The following TBC1D23 variants were observed in gnomAD, a reference collection of about 807,000 sequenced individuals.
TBC1D23 encodes TBC1 domain family member 23.
Under a neutral mutation model 91.4 loss-of-function variants are expected in TBC1D23, and 55 were observed. That is an observed-to-expected ratio of 0.60 (90% CI 0.48 to 0.75). The LOEUF (loss-of-function observed/expected upper bound fraction) is 0.75. Among genes scored for constraint, TBC1D23 ranks in the 30% least tolerant of loss-of-function variants. The probability of loss-of-function intolerance (pLI) is 0.00; values close to 1 mark genes in which losing one functional copy is unlikely to be tolerated. For synonymous variants in TBC1D23, 289 were observed against 281.0 expected (o/e 1.03, Z -0.28); for missense variants, 725 against 836.1 (o/e 0.87, Z 1.64).
At chr3:100,284,478 G>C (rs1419340996) in intron 4 of TBC1D23, among the ~76,000 whole-genome samples, 1 of 152,156 alleles carries the variant, frequency 6.6e-6, no homozygotes, top group Non-Finnish European at 1.5e-5. Flanking sequence ...AGCTTGGAAG[G>C]AAGTCCTAGA....
At chr3:100,305,608 A>G (rs912630163) in intron 12 of TBC1D23, among the ~76,000 whole-genome samples, 1 of 152,134 alleles carries the variant, frequency 6.6e-6, no homozygotes, top group Non-Finnish European at 1.5e-5. Context: ...TCAAATCAGT[A>G]TATGTTGAGG....
chr3:100,302,179 G>T lies in TBC1D23; in HGVS notation c.1205G>T (p.Gly402Val). The change falls in exon 11 of 19, where the codon GGC becomes GTC. Residue 402 changes from glycine to valine, a missense_variant. Gly to Val is a moderately radical substitution (Grantham distance 109). Transcript: ENST00000394144. ...GGTGGGGAGCACCTCTGTTTTATGG[G>T]CAGTGGCAGGGAGGAAGAAGACATG... Reference protein sequence around the residue: ...IAGGEHLCFMGSGREEEDMYM... With the variant: ...IAGGEHLCFMVSGREEEDMYM... 3 of 1,613,986 alleles carry T rather than the reference G, an allele frequency of 1.9e-6. No individual in the cohort carries two copies. The highest frequency in any genetic ancestry group is 2.5e-6 in the Non-Finnish European group (3 of 1,179,920).
At chr3:100,273,327 A>T (rs1190581978) in intron 1 of TBC1D23, among the ~76,000 whole-genome samples, 4 of 152,210 alleles carry the variant, frequency 2.6e-5, no homozygotes, top group Admixed American at 2.6e-4. Flanking sequence ...AAGGTTATAG[A>T]TTAACAGCAT....
intron 1 of TBC1D23, among the ~76,000 whole-genome samples, chr3:100,263,993 TG>T (rs2067536760): frequency 6.6e-6 from 1 of 152,222 alleles, no homozygotes; most frequent in Non-Finnish European, 1.5e-5. Flanking sequence ...CGGTGATTTC[TG>T]TTTTCCCTCC....
At chr3:100,317,389 T>C (rs1705768416) in intron 16 of TBC1D23, among the ~76,000 whole-genome samples, 1 of 152,208 alleles carries the variant, frequency 6.6e-6, no homozygotes. Flanking sequence ...CTTTATTTAG[T>C]CAGTCTTCCA....
At chr3:100,271,564 A>G (rs2067599764) in intron 1 of TBC1D23, among the ~76,000 whole-genome samples, 1 of 152,172 alleles carries the variant, frequency 6.6e-6, no homozygotes, top group African/African-American at 2.4e-5. Context: ...TGGATACAGG[A>G]AAGAAGAAAA....
rs758342379 is a variant in TBC1D23, at chr3:100,261,033, A to C, written c.15A>C (p.Glu5Asp). ...CGTCAACAGCAATGGCGGAAGGAGAAGATGTGCCGCCGCTGCCAACGTCGA... is the reference window on the plus strand; with the variant it reads ...CGTCAACAGCAATGGCGGAAGGAGACGATGTGCCGCCGCTGCCAACGTCGA... Reference protein sequence around the residue: MAEGEDVPPLPTSSG... With the variant: MAEGDDVPPLPTSSG... Residue 5 changes from glutamate to aspartate, a missense_variant, in exon 1 of 19, where the codon GAA becomes GAC. Transcript: ENST00000394144. The C allele has an allele frequency of 1.2e-6, 2 of 1,613,924 alleles. No individual in the cohort carries two copies. Among genetic ancestry groups the C allele is most frequent in the East Asian group, 4.5e-5 (2 of 44,898 alleles).
Position 100,302,111 on chromosome 3 carries a change from GC to G in TBC1D23, c.1138del (p.Leu380TrpfsTer13). The G allele has an allele frequency of 6.2e-7, 1 of 1,613,808 alleles. No homozygotes were observed. The highest frequency in any genetic ancestry group is 8.5e-7 in the Non-Finnish European group (1 of 1,179,890). On this transcript the variant is annotated frameshift_variant, in exon 11 of 19. Transcript: ENST00000394144. LOFTEE classifies it high-confidence loss of function. ...SEFAQSVKSL[L>X]EAQKQSIESG... ...AGTTTGCACAGTCAGTAAAATCCTT[GC>G]TGGAAGCACAGAAGCAGTCCATTGA...
At chr3:100,287,509 C>G (rs1311704611) in intron 4 of TBC1D23, among the ~76,000 whole-genome samples, 2 of 152,194 alleles carry the variant, frequency 1.3e-5, no homozygotes, top group Non-Finnish European at 2.9e-5. Context: ...TAGTGTATGC[C>G]TCTACTCACT....
chr3:100,275,107 G>A (rs928620806), intron 1 of TBC1D23, among the ~76,000 whole-genome samples: 2 of 152,026 alleles, frequency 1.3e-5, no homozygotes, highest in African/African-American at 2.4e-5. Flanking sequence ...CTGTCATACC[G>A]TTTTCCATAG....
At chr3:100,286,690 G>A (rs2067745633) in intron 4 of TBC1D23, among the ~76,000 whole-genome samples, 1 of 152,074 alleles carries the variant, frequency 6.6e-6, no homozygotes, top group African/African-American at 2.4e-5. Context: ...TAGAGATGGG[G>A]TTTCACCATT....
intron 10 of TBC1D23, 89 bp from the exon 11 acceptor site, chr3:100,301,978 T>C (rs1481493054): frequency 1.1e-6 from 1 of 890,814 alleles, no homozygotes. Flanking sequence ...TCTTTAAATA[T>C]TGGGGTTTTT....
intron 4 of TBC1D23, among the ~76,000 whole-genome samples, chr3:100,285,085 T>A (rs1400007800): frequency 1.3e-5 from 2 of 152,222 alleles, no homozygotes; most frequent in Non-Finnish European, 2.9e-5. Flanking sequence ...CTTGTTAGAA[T>A]CAACTGAAGC....
intron 4 of TBC1D23, among the ~76,000 whole-genome samples, chr3:100,288,257 T>A (rs976540996): frequency 6.7e-6 from 1 of 149,392 alleles, no homozygotes; most frequent in African/African-American, 2.5e-5. Context: ...AAAAAAAAAA[T>A]TAAAAAATTA....
At chr3:100,307,724 T>G (rs1419454726) in intron 13 of TBC1D23, among the ~76,000 whole-genome samples, 1 of 152,270 alleles carries the variant, frequency 6.6e-6, no homozygotes, top group Non-Finnish European at 1.5e-5. Flanking sequence ...AAACGTTTGC[T>G]ATTTTCACTT....
chr3:100,273,769 G>T (rs971553105), intron 1 of TBC1D23, among the ~76,000 whole-genome samples: 2 of 152,142 alleles, frequency 1.3e-5, no homozygotes, highest in Non-Finnish European at 2.9e-5. Context: ...ATGGGGAAAG[G>T]ATTCCCTATC....
At position 100,321,830 on chromosome 3, in the gene TBC1D23, T is replaced by TA. The variant is rs10693696; in HGVS notation, c.2018+873dup. Among the ~76,000 whole-genome samples, 774 of 146,126 alleles carry TA rather than the reference T, an allele frequency of 5.3e-3. 5 individuals are homozygous for TA. Among genetic ancestry groups the TA allele is most frequent in the African/African-American group, 0.012 (468 of 39,696 alleles). On this transcript the variant is annotated intron_variant, in intron 18 of 18. Transcript: ENST00000394144. ...TTAAAAGAAAATAATACCTGATTTG[T>TA]AAAAAAAAAAAAAATCACTTCATTG...
At position 100,298,143 on chromosome 3, in the gene TBC1D23, T is replaced by G. The variant is rs372998039; in HGVS notation, c.999+98T>G. ...ATTGATTCCCACAAAATCAATTTACTGCAACAAGGTGGCTCTTTTGGCTTT... is the reference window on the plus strand; with the variant it reads ...ATTGATTCCCACAAAATCAATTTACGGCAACAAGGTGGCTCTTTTGGCTTT... On this transcript the variant is annotated intron_variant, in intron 9 of 18. Coordinates refer to ENST00000394144, the MANE Select transcript of TBC1D23 (RefSeq NM_001199198.3). 24 of 1,027,680 alleles carry G rather than the reference T, an allele frequency of 2.3e-5. No individual in the cohort carries two copies. In the East Asian group the frequency reaches 3.9e-4, roughly 17 times the overall value. The allele number at this position is 1,027,680 out of a possible 1,614,324, so 63.7% of individuals were successfully genotyped here. A position where few individuals can be genotyped will look rare whatever the true frequency, so the allele number is the denominator to read the frequency against.
At chr3:100,309,853 C>T (rs371151964) in intron 13 of TBC1D23, among the ~76,000 whole-genome samples, 116 of 150,200 alleles carry the variant, frequency 7.7e-4, no homozygotes, top group Middle Eastern at 3.4e-3. Context: ...TCATGATCCA[C>T]CTGCCTCGGC....
Sources: allele counts gnomAD v4.1 joint callset (sites outside exome capture counted in the v4.1 genomes callset), GRCh38; gene constraint gnomAD v4.1.1; transcripts MANE v1.5; gene names NCBI Gene and HGNC (gene_info 2026-07-23, HGNC 2026-07-21).